MYOZ2: variants seen among roughly 807,000 people sequenced by gnomAD.
MYOZ2 encodes the protein myozenin 2, also known as myozenin-2.
A neutral mutation model predicts 25.4 loss-of-function variants in MYOZ2; 19 were observed. That is an observed-to-expected ratio of 0.75 (90% confidence interval 0.52 to 1.10). The LOEUF is 1.10. Ranked by LOEUF, MYOZ2 falls within the 50% of genes least tolerant of loss-of-function variation. The pLI, the probability that MYOZ2 is intolerant of heterozygous loss-of-function variation, is 0.00. For missense variants in MYOZ2, 270 were observed against 317.9 expected, an observed-to-expected ratio of 0.85 and a Z score of 1.15; for synonymous variants, 92 against 106.9, an observed-to-expected ratio of 0.86 and a Z score of 0.86.
Position 119,158,153 on chromosome 4 carries a change from T to C in MYOZ2, c.376+2T>C, listed in dbSNP as rs112675369. ...CAAATCCAGACAACATTGCTCCAGGTAACCAATCCCCTTACCAACAGAGCA... is the reference window on the plus strand; with the variant it reads ...CAAATCCAGACAACATTGCTCCAGGCAACCAATCCCCTTACCAACAGAGCA... On this transcript the variant is annotated splice_donor_variant, in intron 4 of 5. Coordinates refer to ENST00000307128, the MANE Select transcript of MYOZ2 (RefSeq NM_016599.5). LOFTEE classifies it high-confidence loss of function. 7 of 1,613,920 alleles carry C rather than the reference T, an allele frequency of 4.3e-6. No individual in the cohort carries two copies. In the African/African-American group the frequency reaches 9.3e-5, roughly 22 times the overall value.
chr4:119,144,239 G>A (rs193108286), intron 2 of MYOZ2, among the ~76,000 whole-genome samples: 1 of 152,204 alleles, frequency 6.6e-6, no homozygotes, highest in East Asian at 1.9e-4. Context: ...TTTGGGAATG[G>A]CTTTTTCATT....
At chr4:119,139,946 G>GT (rs5861414) in intron 2 of MYOZ2, among the ~76,000 whole-genome samples, 83,009 of 151,688 alleles carry the variant, frequency 0.55, 26,416 homozygotes, top group Non-Finnish European at 0.71. Context: ...TGGGCAGGTT[G>GT]TTTTTTTAAC....
chr4:119,140,973 G>A (rs1741148028), intron 2 of MYOZ2, among the ~76,000 whole-genome samples: 1 of 152,156 alleles, frequency 6.6e-6, no homozygotes. Flanking sequence ...AATTATCACA[G>A]AACTTTTTAT....
chr4:119,174,665 G>C (rs773704876), intron 5 of MYOZ2, among the ~76,000 whole-genome samples: 1 of 152,050 alleles, frequency 6.6e-6, no homozygotes, highest in Non-Finnish European at 1.5e-5. Flanking sequence ...ATAGACCACC[G>C]GGCTCTACCA....
intron 5 of MYOZ2, among the ~76,000 whole-genome samples, chr4:119,167,922 C>T (rs7666947): frequency 0.07 from 10,626 of 152,276 alleles, 731 homozygotes; most frequent in African/African-American, 0.17. Flanking sequence ...TTATTGACAA[C>T]GAACCTGGTC....
intron 3 of MYOZ2, among the ~76,000 whole-genome samples, chr4:119,151,323 A>G (rs1346962659): frequency 6.6e-6 from 1 of 152,132 alleles, no homozygotes; most frequent in Non-Finnish European, 1.5e-5. Flanking sequence ...AGTGGAGAGA[A>G]ATGGTACTAA....
rs1742301397 is a variant in MYOZ2 at position 119,186,728 on chromosome 4, T to G, written c.*528T>G. ...TCTTTTCATTAGTCACTCTTAGAAT[T>G]CTAAAGTGCTTTGCACTTTTCAATA... On this transcript the variant is annotated 3_prime_UTR_variant, in exon 6 of 6. Transcript: ENST00000307128. 6.5e-6 allele frequency: 1 copy of G among 154,634 alleles called. No homozygotes were observed. The highest frequency in any genetic ancestry group is 2.4e-5 in the African/African-American group (1 of 41,466). 9.6% of individuals were successfully genotyped at this position (154,634 alleles called of 1,614,324 possible). A position where few individuals can be genotyped will look rare whatever the true frequency, so the allele number is the denominator to read the frequency against.
intron 2 of MYOZ2, among the ~76,000 whole-genome samples, chr4:119,144,839 T>C (rs560342103): frequency 6.6e-6 from 1 of 152,242 alleles, no homozygotes; most frequent in Non-Finnish European, 1.5e-5. Context: ...GTATTTATGC[T>C]AGACTGTTTT....
chr4:119,137,801 A>T (rs892582240), intron 2 of MYOZ2, among the ~76,000 whole-genome samples: 6 of 152,184 alleles, frequency 3.9e-5, no homozygotes, highest in African/African-American at 1.4e-4. Context: ...TTCATGCCTT[A>T]TTTAAAATTT....
At position 119,151,047 on chromosome 4, in the gene MYOZ2, T is replaced by C. The variant is rs2149221524; in HGVS notation, c.246+6T>C. 6.2e-7 allele frequency: 1 copy of C among 1,603,950 alleles called. No individual in the cohort carries two copies. Among genetic ancestry groups the C allele is most frequent in the East Asian group, 2.2e-5 (1 of 44,810 alleles). On this transcript the variant is annotated splice_donor_region_variant and intron_variant, in intron 3 of 5. Transcript: ENST00000307128. ...AATCTAGAGCACAAATAAATGTAGG[T>C]ATAACTTGAACAGGTAGTATCCAAA...
chr4:119,186,064 T>C lies in MYOZ2; in HGVS notation c.659T>C (p.Met220Thr), dbSNP rs1578374324. 7 of 1,614,002 alleles carry C rather than the reference T, an allele frequency of 4.3e-6. No homozygotes were observed. Among genetic ancestry groups the C allele is most frequent in the Non-Finnish European group, 5.9e-6 (7 of 1,179,994 alleles). Residue 220 changes from methionine (M) to threonine (T), a missense_variant, in exon 6 of 6, where the codon ATG becomes ACG. Physicochemically the swap from Met to Thr is moderately conservative, Grantham distance 81. Transcript: ENST00000307128. ...ELLLLTDPRF[M>T]SFVNPLSGRR... ...CTATTGCTAACAGATCCCAGGTTTATGTCCTTTGTCAATCCCCTTTCTGGC... is the reference window on the plus strand; with the variant it reads ...CTATTGCTAACAGATCCCAGGTTTACGTCCTTTGTCAATCCCCTTTCTGGC...
At chr4:119,140,768 T>C (rs1741144375) in intron 2 of MYOZ2, among the ~76,000 whole-genome samples, 1 of 152,248 alleles carries the variant, frequency 6.6e-6, no homozygotes, top group African/African-American at 2.4e-5. Context: ...TCTGTTTGTA[T>C]AATTCAATAC....
At chr4:119,138,104 T>TA (rs1741073964) in intron 2 of MYOZ2, among the ~76,000 whole-genome samples, 1 of 152,122 alleles carries the variant, frequency 6.6e-6, no homozygotes, top group Non-Finnish European at 1.5e-5. Context: ...ATTGTTTTTA[T>TA]AAAAAATATG....
intron 5 of MYOZ2, among the ~76,000 whole-genome samples, chr4:119,164,769 C>G (rs905507276): frequency 1.3e-5 from 2 of 152,056 alleles, no homozygotes; most frequent in Non-Finnish European, 2.9e-5. Flanking sequence ...AATTCACATG[C>G]AAGGCTATGA....
chr4:119,138,793 A>C (rs1741095430), intron 2 of MYOZ2, among the ~76,000 whole-genome samples: 1 of 152,274 alleles, frequency 6.6e-6, no homozygotes, highest in Admixed American at 6.5e-5. Context: ...GGAGGAGTAT[A>C]AAATGTGACA....
In MYOZ2 at chr4:119,147,637, G is replaced by A. The variant is rs889687065; in HGVS notation, c.77-3235G>A. On this transcript the variant is annotated intron_variant, in intron 2 of 5. Transcript: ENST00000307128. ...CAGGCACTTGTAATCCCAGCTACTC[G>A]GGAGGCTGAGGCAGGAGAATCACTT... is the stretch of plus-strand genomic sequence containing the variant. Among the ~76,000 whole-genome samples, 35 of 151,558 alleles carry A rather than the reference G, an allele frequency of 2.3e-4. 1 individual carries two copies. The highest frequency in any genetic ancestry group is 9.7e-5 in the African/African-American group (4 of 41,244).
At chr4:119,157,944 A>G in intron 3 of MYOZ2, 78 bp from the exon 4 acceptor site, 2 of 1,509,140 alleles carry the variant, frequency 1.3e-6, no homozygotes, top group Non-Finnish European at 1.8e-6. Flanking sequence ...TATACAATTG[A>G]AGTTTTGCAT....
intron 2 of MYOZ2, among the ~76,000 whole-genome samples, chr4:119,149,214 G>T (rs1256547045): frequency 6.6e-6 from 1 of 152,134 alleles, no homozygotes; most frequent in Non-Finnish European, 1.5e-5. Context: ...AGACTCCCAC[G>T]TAGTCTTCAC....
At chr4:119,177,435 A>T (rs1186139267) in intron 5 of MYOZ2, among the ~76,000 whole-genome samples, 3 of 152,202 alleles carry the variant, frequency 2.0e-5, no homozygotes, top group Non-Finnish European at 4.4e-5. Flanking sequence ...GTCTGTGAAG[A>T]CAATTTTCTA....
Sources: allele counts gnomAD v4.1 joint callset (sites outside exome capture counted in the v4.1 genomes callset), GRCh38; gene constraint gnomAD v4.1.1; transcripts MANE v1.5; gene names NCBI Gene and HGNC (gene_info 2026-07-23, HGNC 2026-07-21).